The following PAN3 variants were observed in gnomAD, a reference collection of about 807,000 sequenced individuals.
PAN3 encodes the protein PAN2-PAN3 deadenylation complex subunit PAN3.
In PAN3, 19 loss-of-function variants were observed where a neutral mutation model predicts 96.2. The ratio of observed to expected loss-of-function variants is 0.20; its 90% CI spans 0.14 to 0.29. The LOEUF is 0.29. Among genes scored for constraint, PAN3 ranks in the 10% least tolerant of loss-of-function variants. PAN3 has a pLI of 1.00. For missense variants in PAN3, 882 were observed against 1,108.1 expected (o/e 0.80, Z 2.90); for synonymous variants, 433 against 406.6 (o/e 1.06, Z -0.78).
chr13:28,176,159 G>A (rs866767986), intron 2 of PAN3, among the ~76,000 whole-genome samples: 1 of 152,150 alleles, frequency 6.6e-6, no homozygotes, highest in Non-Finnish European at 1.5e-5. Flanking sequence ...CATAGTCAAC[G>A]GGTACCCTCT....
chr13:28,272,181 G>A, intron 14 of PAN3, 110 bp downstream of exon 14: 1 of 736,066 alleles, frequency 1.4e-6, no homozygotes, highest in Non-Finnish European at 2.1e-6. Context: ...TTATTTTGGG[G>A]TGGTGTCTAT....
At chr13:28,191,767 A>G (rs1877285659) in intron 4 of PAN3, among the ~76,000 whole-genome samples, 1 of 152,124 alleles carries the variant, frequency 6.6e-6, no homozygotes. Context: ...CAATATGTTT[A>G]TATTTACTTA....
At position 28,138,663 on chromosome 13, in the gene PAN3, C is replaced by G. The variant is rs1005966177; in HGVS notation, c.6C>G (p.Asn2Lys). 1.5e-6 allele frequency: 1 copy of G among 687,516 alleles called. No individual in the cohort carries two copies. The highest frequency in any genetic ancestry group is 2.2e-6 in the Non-Finnish European group (1 of 464,314). 42.6% of individuals were successfully genotyped at this position (687,516 alleles called of 1,614,324 possible). A position where few individuals can be genotyped will look rare whatever the true frequency, so the allele number is the denominator to read the frequency against. ...GACGAGGCTGCGGCGTTGCCATGAA[C>G]AGTGGCGGCGGCCTCCCGCCCCCCT... M[N>K]SGGGLPPPSA... The change falls in exon 1 of 19, where the codon AAC (asparagine) becomes AAG (lysine). Residue 2 changes from asparagine (N) to lysine (K), a missense_variant. Around this residue, in one of 3 missense-constraint regions of PAN3, gnomAD observed 442 missense variants for 422.8 expected, o/e 1.05. Transcript: ENST00000380958.
At chr13:28,206,281 A>G (rs1388630266) in intron 5 of PAN3, among the ~76,000 whole-genome samples, 1 of 113,276 alleles carries the variant, frequency 8.8e-6, no homozygotes, top group South Asian at 2.7e-4. Context: ...TCACCATTCT[A>G]TTGAAACTGT....
At chr13:28,167,673 CAAAAAAAAA>C (rs1166063021) in intron 1 of PAN3, among the ~76,000 whole-genome samples, 2 of 61,340 alleles carry the variant, frequency 3.3e-5, no homozygotes, top group African/African-American at 1.2e-4. Flanking sequence ...CCTGTCTCTA[CAAAAAAAAA>C]AAAAAAAAAA....
chr13:28,207,178 T>G (rs1392867791), intron 5 of PAN3, among the ~76,000 whole-genome samples: 3 of 152,240 alleles, frequency 2.0e-5, no homozygotes, highest in Non-Finnish European at 2.9e-5. Context: ...TGCCACCATA[T>G]ATCTTGGTTA....
At chr13:28,164,968 C>T (rs939863810) in intron 1 of PAN3, among the ~76,000 whole-genome samples, 15 of 152,162 alleles carry the variant, frequency 9.9e-5, no homozygotes, top group Non-Finnish European at 1.5e-4. Flanking sequence ...AGCGCAGTGG[C>T]GCGATCTCAG....
At chr13:28,167,769 G>A (rs1334512196) in intron 1 of PAN3, among the ~76,000 whole-genome samples, 1 of 151,954 alleles carries the variant, frequency 6.6e-6, no homozygotes, top group East Asian at 1.9e-4. Flanking sequence ...CCTTGAACCC[G>A]GGAGTCCGAG....
intron 1 of PAN3, among the ~76,000 whole-genome samples, chr13:28,140,022 A>C (rs149199970): frequency 0.01 from 1,556 of 152,226 alleles, 24 homozygotes; most frequent in African/African-American, 0.035. Flanking sequence ...ATCTCAGCTC[A>C]CTGCAACCTC....
chr13:28,217,966 A>G (rs1422421334), intron 5 of PAN3, among the ~76,000 whole-genome samples: 2 of 152,046 alleles, frequency 1.3e-5, no homozygotes, highest in East Asian at 1.9e-4. Context: ...CTACACCTGA[A>G]AGAAATAGGT....
At chr13:28,140,404 G>C (rs142259871) in intron 1 of PAN3, among the ~76,000 whole-genome samples, 130 of 152,272 alleles carry the variant, frequency 8.5e-4, no homozygotes, top group African/African-American at 2.9e-3. Flanking sequence ...TGGAGAACTA[G>C]ATCTTAAAAT....
chr13:28,194,485 T>G (rs1294061068), intron 4 of PAN3, among the ~76,000 whole-genome samples: 8 of 133,732 alleles, frequency 6.0e-5, no homozygotes, highest in African/African-American at 2.0e-4. Context: ...TTTTTTTTTT[T>G]GTAGAGACGG....
intron 5 of PAN3, among the ~76,000 whole-genome samples, chr13:28,216,117 T>A (rs1593491678): frequency 6.6e-6 from 1 of 151,970 alleles, no homozygotes; most frequent in Non-Finnish European, 1.5e-5. Flanking sequence ...ACTAGTTTTT[T>A]AAATCAGTAC....
chr13:28,242,195 T>C (rs1469920045), intron 6 of PAN3, among the ~76,000 whole-genome samples: 2 of 152,214 alleles, frequency 1.3e-5, no homozygotes, highest in Non-Finnish European at 1.5e-5. Context: ...GACTGACATA[T>C]GTGCTGCTTG....
At chr13:28,276,815 A>G (rs1887098332) in intron 14 of PAN3, among the ~76,000 whole-genome samples, 1 of 152,210 alleles carries the variant, frequency 6.6e-6, no homozygotes. Flanking sequence ...ATGTTAAGTT[A>G]TAGTGGTCAT....
At chr13:28,285,864 G>A (rs569926882) in intron 17 of PAN3, among the ~76,000 whole-genome samples, 28 of 151,958 alleles carry the variant, frequency 1.8e-4, no homozygotes, top group Non-Finnish European at 3.2e-4. Flanking sequence ...CTCTGAGGCC[G>A]TCAGTTAATA....
chr13:28,256,269 A>AGC (rs1471581102), intron 6 of PAN3, 23 bp from the exon 7 acceptor site: 2 of 1,600,482 alleles, frequency 1.2e-6, no homozygotes, highest in African/African-American at 2.7e-5. Flanking sequence ...CTCCATTAAG[A>AGC]AACATTTTTA....
At chr13:28,193,919 G>T (rs979256313) in intron 4 of PAN3, among the ~76,000 whole-genome samples, 13 of 152,000 alleles carry the variant, frequency 8.6e-5, no homozygotes, top group Non-Finnish European at 1.9e-4. Context: ...CACTTTGGGA[G>T]GCCGAGGCAG....
chr13:28,185,387 A>C (rs2138160420), intron 4 of PAN3, among the ~76,000 whole-genome samples: 1 of 152,298 alleles, frequency 6.6e-6, no homozygotes. Context: ...GATTGGGTTG[A>C]GATAAAGATG....
Sources: allele counts gnomAD v4.1 joint callset (sites outside exome capture counted in the v4.1 genomes callset), GRCh38; gene constraint gnomAD v4.1.1; regional missense constraint gnomAD v4.1.1; transcripts MANE v1.5; gene names NCBI Gene and HGNC (gene_info 2026-07-23, HGNC 2026-07-21).